Variants in DMBT1 observed in about 807,000 individuals in gnomAD.
DMBT1 encodes the protein scavenger receptor cysteine-rich domain-containing protein DMBT1.
DMBT1 carries 198 observed loss-of-function variants against 252.9 expected under a neutral mutation model. The ratio of observed to expected loss-of-function variants is 0.78; its 90% confidence interval spans 0.70 to 0.88. The LOEUF is 0.88. DMBT1 is among the 40% of genes least tolerant of loss of function. DMBT1 has a pLI of 0.00. For missense variants in DMBT1, 2,432 were observed against 2,404.7 expected, an observed-to-expected ratio of 1.01 and a Z score of -0.24; for synonymous variants, 990 against 942.7, an observed-to-expected ratio of 1.05 and a Z score of -0.92.
At chr10:122,567,101 T>C (rs1157001362) in intron 2 of DMBT1, among the ~76,000 whole-genome samples, 1 of 152,234 alleles carries the variant, frequency 6.6e-6, no homozygotes, top group African/African-American at 2.4e-5. Context: ...CCTGGGCCCT[T>C]GGCCTTGTTG....
Position 122,618,264 on chromosome 10 carries a change from C to A in DMBT1, c.5139C>A (p.Tyr1713Ter). 2 of 1,613,800 alleles carry A rather than the reference C, an allele frequency of 1.2e-6. No individual in the cohort carries two copies. Among genetic ancestry groups the A allele is most frequent in the Non-Finnish European group, 1.7e-6 (2 of 1,179,762 alleles). Residue 1713 changes from tyrosine (Y) to a stop codon, truncating the protein, a stop_gained, in exon 41 of 56, where the codon TAC (tyrosine) becomes TAA (stop). Coordinates refer to ENST00000338354, the MANE Select transcript of DMBT1 (RefSeq NM_001377530.1). LOFTEE classifies it high-confidence loss of function. ...DDVRCSGHESYLWSCPHNGWL... is the reference protein window; with the variant it reads ...DDVRCSGHES ...TGCGCTGCTCAGGACACGAGTCTTA[C>A]CTGTGGAGCTGCCCCCACAATGGCT...
chr10:122,623,587 T>C (rs1225677441), intron 44 of DMBT1, among the ~76,000 whole-genome samples: 1 of 152,272 alleles, frequency 6.6e-6, no homozygotes, highest in African/African-American at 2.4e-5. Flanking sequence ...TTTTTCATCA[T>C]GGCCATCCTA....
At chr10:122,570,719 C>T (rs748403499) in intron 3 of DMBT1, among the ~76,000 whole-genome samples, 171 bp from the exon 4 acceptor site, 9 of 152,224 alleles carry the variant, frequency 5.9e-5, no homozygotes, top group Middle Eastern at 3.4e-3. Flanking sequence ...CTTAGCCCAG[C>T]CTGGAGCCAG....
At chr10:122,624,753 G>A (rs1257451535) in intron 44 of DMBT1, among the ~76,000 whole-genome samples, 1 of 152,210 alleles carries the variant, frequency 6.6e-6, no homozygotes, top group African/African-American at 2.4e-5. Flanking sequence ...GATGTGTGCT[G>A]CTCAGGGAAT....
intron 55 of DMBT1, among the ~76,000 whole-genome samples, chr10:122,642,569 C>T (rs978615925): frequency 2.0e-5 from 3 of 152,028 alleles, no homozygotes; most frequent in African/African-American, 4.8e-5. Flanking sequence ...CTGGAGGGTT[C>T]GCAGGCCAGT....
Position 122,590,482 on chromosome 10 carries a change from A to G in DMBT1, c.2108-183A>G, listed in dbSNP as rs1453759923. Among the ~76,000 whole-genome samples, 7 of 148,618 alleles carry G rather than the reference A, an allele frequency of 4.7e-5. 1 individual carries two copies. The East Asian group carries it at 1.5e-3, about 31-fold the overall frequency. On this transcript the variant is annotated intron_variant, in intron 17 of 55. Transcript: ENST00000338354. ...ATCACTTTGGAGCTGGCAGTAGTGG[A>G]CAAGATCTGCCCAGATGCCTTTCAA...
chr10:122,590,560 A>T, intron 17 of DMBT1, 105 bp from the exon 18 acceptor site: 2 of 1,342,666 alleles, frequency 1.5e-6, no homozygotes, highest in South Asian at 2.5e-5. Flanking sequence ...TGTGATGGGG[A>T]CATAGGGTGG....
chr10:122,617,414 G>T (rs1016871787), intron 40 of DMBT1, among the ~76,000 whole-genome samples, 154 bp downstream of exon 40: 1 of 151,348 alleles, frequency 6.6e-6, no homozygotes, highest in Non-Finnish European at 1.5e-5. Flanking sequence ...AGTCAGCCCT[G>T]GGTTTGATGT....
At chr10:122,631,832 C>CT (rs746813778) in intron 49 of DMBT1, 23 bp from the exon 50 acceptor site, 4 of 1,613,596 alleles carry the variant, frequency 2.5e-6, no homozygotes, top group East Asian at 2.2e-5. Context: ...GTGACCTATG[C>CT]TTTTTTTCTA....
intron 4 of DMBT1, among the ~76,000 whole-genome samples, chr10:122,571,269 C>T (rs987921440): frequency 5.1e-4 from 77 of 152,164 alleles, no homozygotes; most frequent in African/African-American, 1.7e-3. Flanking sequence ...TGAAGCTGGA[C>T]GTGGTGGAGG....
chr10:122,571,061 G>C, intron 4 of DMBT1, 124 bp downstream of exon 4: 5 of 1,190,828 alleles, frequency 4.2e-6, no homozygotes, highest in Non-Finnish European at 4.9e-6. Context: ...TTCTCAGGTA[G>C]TGTGGATATC....
Position 122,634,366 on chromosome 10 carries a change from TTC to T in DMBT1, c.6548+1027_6548+1028del, listed in dbSNP as rs367584585. Among the ~76,000 whole-genome samples the T allele has an allele frequency of 3.4e-3, 401 of 116,438 alleles. 2 individuals are homozygous for T. Among genetic ancestry groups the T allele is most frequent in the African/African-American group, 0.012 (326 of 26,924 alleles). The allele number at this position is 116,438 out of a possible 152,430, so 76.4% of individuals were successfully genotyped here. On this transcript the variant is annotated intron_variant, in intron 52 of 55. Coordinates refer to ENST00000338354, the MANE Select transcript of DMBT1 (RefSeq NM_001377530.1). ...TTTCTTTCTTTCTTTCTTTCTTTCTTTCTTTCTTTCTTTCTTTCTTTCTTTCT... is the reference window on the plus strand; with the variant it reads ...TTTCTTTCTTTCTTTCTTTCTTTCTTTTTCTTTCTTTCTTTCTTTCTTTCT...
intron 47 of DMBT1, 146 bp downstream of exon 47, chr10:122,630,139 A>G: frequency 7.3e-7 from 1 of 1,369,048 alleles, no homozygotes; most frequent in East Asian, 2.3e-5. Context: ...ATAAAGCATC[A>G]GGGAACACTG....
Position 122,618,311 on chromosome 10 carries a change from A to C in DMBT1, c.5186A>C (p.His1729Pro), listed in dbSNP as rs1481724206. The change falls in exon 41 of 56, where the codon CAT becomes CCT. Residue 1729 changes from histidine (H) to proline (P), a missense_variant. Around this residue, in one of 3 missense-constraint regions of DMBT1, gnomAD observed 1,162 missense variants for 1,169.0 expected, o/e 0.99. Transcript: ENST00000338354. ...HNGWLSHNCG[H>P]HEDAGVICSA... ...GGCTGGCTCTCCCACAACTGTGGCC[A>C]TCATGAAGATGCTGGTGTCATCTGC... 3 of 1,613,716 alleles carry C rather than the reference A, an allele frequency of 1.9e-6. No homozygotes were observed. The highest frequency in any genetic ancestry group is 2.5e-6 in the Non-Finnish European group (3 of 1,179,766).
chr10:122,627,008 C>T (rs2098123459), intron 46 of DMBT1, among the ~76,000 whole-genome samples: 1 of 152,118 alleles, frequency 6.6e-6, no homozygotes, highest in Non-Finnish European at 1.5e-5. Flanking sequence ...GGAAATCTGT[C>T]GGGTGAGGCC....
intron 52 of DMBT1, among the ~76,000 whole-genome samples, chr10:122,634,342 TTC>T (rs1359850855): frequency 1.7e-5 from 1 of 58,208 alleles, no homozygotes; most frequent in East Asian, 3.6e-4. Flanking sequence ...AAAAGCACTT[TTC>T]TTTCTTTCTT....
chr10:122,585,142 T>C, intron 14 of DMBT1, 129 bp from the exon 15 acceptor site: 8 of 1,251,870 alleles, frequency 6.4e-6, no homozygotes, highest in Non-Finnish European at 6.9e-6. Context: ...GGCAGACACA[T>C]GGGGAGCAAA....
Position 122,636,020 on chromosome 10 carries a change from T to C in DMBT1, c.6578T>C (p.Ile2193Thr), listed in dbSNP as rs745534209. 6 of 1,614,026 alleles carry C rather than the reference T, an allele frequency of 3.7e-6. No homozygotes were observed. The highest frequency in any genetic ancestry group is 5.1e-6 in the Non-Finnish European group (6 of 1,179,904). The change falls in exon 53 of 56, where the codon ATT becomes ACT. Residue 2193 changes from isoleucine (I) to threonine (T), a missense_variant. Physicochemically the swap from Ile to Thr is moderately conservative, Grantham distance 89 (BLOSUM62 -1). This residue lies in a region of DMBT1 where 1,162 missense variants were observed against 1,169.0 expected (regional missense o/e 0.99). Transcript: ENST00000338354. ...GAAGGTGGCTGCAACTATGATTATATTGAAGTTTTCGATGGCCCCTACCGC... is the reference window on the plus strand; with the variant it reads ...GAAGGTGGCTGCAACTATGATTATACTGAAGTTTTCGATGGCCCCTACCGC... ...QLEGGCNYDYIEVFDGPYRSS... is the reference protein window; with the variant it reads ...QLEGGCNYDYTEVFDGPYRSS...
chr10:122,619,011 C>T (rs1343431809), intron 41 of DMBT1, among the ~76,000 whole-genome samples: 1 of 152,212 alleles, frequency 6.6e-6, no homozygotes, highest in Non-Finnish European at 1.5e-5. Flanking sequence ...CCTCCTCAGC[C>T]TTGCTGACTC....
Sources: allele counts gnomAD v4.1 joint callset (sites outside exome capture counted in the v4.1 genomes callset), GRCh38; gene constraint gnomAD v4.1.1; regional missense constraint gnomAD v4.1.1; transcripts MANE v1.5; gene names NCBI Gene and HGNC (gene_info 2026-07-23, HGNC 2026-07-21).